Variants in LIPJ observed in about 807,000 individuals in gnomAD.
LIPJ encodes lipase member J.
LIPJ carries 33 observed loss-of-function variants against 39.8 expected under a neutral mutation model. The ratio of observed to expected loss-of-function variants is 0.83; its 90% CI spans 0.63 to 1.11. The LOEUF is 1.11. Ranked by LOEUF, LIPJ falls within the 50% of genes least tolerant of loss-of-function variation. The pLI, the probability that LIPJ is intolerant of heterozygous loss-of-function variation, is 0.00. For synonymous variants in LIPJ, 128 were observed against 139.2 expected, an observed-to-expected ratio of 0.92 and a Z score of 0.57; for missense variants, 422 against 427.9, an observed-to-expected ratio of 0.99 and a Z score of 0.12.
At chr10:88,614,612 G>T in the LIPJ span, among the ~76,000 whole-genome samples, 11 of 152,006 alleles carry the variant, frequency 7.2e-5, no homozygotes, top group Non-Finnish European at 1.2e-4. Context: ...TGGTATTGTT[G>T]ATATCAGTTT....
intron 1 of LIPJ, 94 bp downstream of exon 1, chr10:88,586,939 T>C (rs1252170789): frequency 2.0e-5 from 3 of 152,188 alleles, no homozygotes; most frequent in Admixed American, 6.5e-5. Context: ...AACAATACTT[T>C]TAAGACTGTT....
At chr10:88,607,083 A>C, downstream of LIPJ, 9 of 514,194 alleles carry the variant, frequency 1.8e-5, no homozygotes, top group South Asian at 9.2e-5. Flanking sequence ...TCATCATCTC[A>C]GGGGAAATGG....
At chr10:88,593,823 C>T (rs769999379) in intron 4 of LIPJ, 123 bp from the exon 5 acceptor site, 58 of 771,306 alleles carry the variant, frequency 7.5e-5, no homozygotes, top group Non-Finnish European at 1.2e-4. Flanking sequence ...ACTTACCCCA[C>T]TTATGAAAAC....
chr10:88,597,506 A>G (rs1333661168), intron 8 of LIPJ, among the ~76,000 whole-genome samples: 2 of 151,930 alleles, frequency 1.3e-5, no homozygotes, highest in African/African-American at 4.8e-5. Flanking sequence ...ACATTAAATT[A>G]AACATCCAGA....
chr10:88,583,255 G>C, upstream of LIPJ: 1 of 1,594,090 alleles, frequency 6.3e-7, no homozygotes, highest in Non-Finnish European at 8.5e-7. Flanking sequence ...GGGCTTTCTG[G>C]AAAGGCGGCC....
intron 8 of LIPJ, among the ~76,000 whole-genome samples, chr10:88,598,226 T>G (rs922660346): frequency 6.6e-6 from 1 of 151,968 alleles, no homozygotes; most frequent in African/African-American, 2.4e-5. Context: ...TGGCTTAAAA[T>G]TATTTGCTTA....
At chr10:88,597,242 G>A (rs1014652107) in intron 8 of LIPJ, among the ~76,000 whole-genome samples, 1 of 151,638 alleles carries the variant, frequency 6.6e-6, no homozygotes, top group Non-Finnish European at 1.5e-5. Context: ...CTAAGATTTA[G>A]GTCCTCTTCT....
chr10:88,611,810 A>T (rs984319496), downstream of LIPJ, among the ~76,000 whole-genome samples: 1 of 152,234 alleles, frequency 6.6e-6, no homozygotes, highest in East Asian at 1.9e-4. Context: ...TCCCTGAGGA[A>T]GAAGAGAAAT....
At position 88,591,621 on chromosome 10, in the gene LIPJ, T is replaced by C. The variant is rs1006685680; in HGVS notation, c.130+123T>C. 14 of 790,408 alleles carry C rather than the reference T, an allele frequency of 1.8e-5. No homozygotes were observed. In the Admixed American group the frequency reaches 3.3e-4, roughly 18 times the overall value. The allele number at this position is 790,408 out of a possible 1,614,324, so 49.0% of individuals were successfully genotyped here. On this transcript the variant is annotated intron_variant, in intron 4 of 10. Transcript: ENST00000371939. ...GATTAAGTGAATAGTTAACTTCCCA[T>C]GTATCTTCTCGCATGCTACAAGAAG...
At chr10:88,587,388 G>A (rs970501567) in exon 2 of LIPJ, 2 of 152,120 alleles carry the variant, frequency 1.3e-5, no homozygotes, top group African/African-American at 4.8e-5. Flanking sequence ...AACAAAAGCA[G>A]AGAGGTATGA....
chr10:88,607,300 A>C (rs776414058), downstream of LIPJ, among the ~76,000 whole-genome samples: 15 of 152,212 alleles, frequency 9.9e-5, no homozygotes, highest in Non-Finnish European at 1.8e-4. Context: ...ATGCTAAATG[A>C]AGAGTAAAAA....
upstream of LIPJ, among the ~76,000 whole-genome samples, chr10:88,585,122 A>C (rs142084905): frequency 6.6e-6 from 1 of 152,180 alleles, no homozygotes. Context: ...TGGAAAGTAC[A>C]TTTGCAGTAA....
chr10:88,596,912 A>G (rs752274652), exon 8 of LIPJ: 25 of 1,553,510 alleles, frequency 1.6e-5, no homozygotes, highest in Non-Finnish European at 2.0e-5. Context: ...TGATGTTTGG[A>G]TATGACCCAA....
At chr10:88,617,596 T>C in the LIPJ span, among the ~76,000 whole-genome samples, 33 of 151,764 alleles carry the variant, frequency 2.2e-4, no homozygotes, top group Non-Finnish European at 3.7e-4. Context: ...ATGAGGGAAA[T>C]GATGAAGAAA....
exon 4 of LIPJ, chr10:88,591,447 C>A: frequency 6.3e-7 from 1 of 1,599,620 alleles, no homozygotes; most frequent in South Asian, 1.1e-5. Flanking sequence ...TGGTTATATC[C>A]TTGGCCTTTA....
exon 11 of LIPJ, chr10:88,606,929 T>TA (rs1378623033): frequency 6.9e-7 from 1 of 1,454,122 alleles, no homozygotes; most frequent in East Asian, 2.4e-5. Flanking sequence ...GCTGTGTGTT[T>TA]AAAGATCTAC....
chr10:88,597,715 C>T (rs971757068), intron 8 of LIPJ, among the ~76,000 whole-genome samples: 1 of 151,992 alleles, frequency 6.6e-6, no homozygotes, highest in East Asian at 1.9e-4. Flanking sequence ...TTTTAGAATG[C>T]TATAAGAAAC....
At chr10:88,605,301 C>A (rs1211519515) in intron 9 of LIPJ, among the ~76,000 whole-genome samples, 1 of 152,170 alleles carries the variant, frequency 6.6e-6, no homozygotes, top group Non-Finnish European at 1.5e-5. Context: ...GTGCAAGACA[C>A]TCAGCGTTGA....
chr10:88,614,641 C>T, the LIPJ span, among the ~76,000 whole-genome samples: 1 of 152,048 alleles, frequency 6.6e-6, no homozygotes. Context: ...TTGAACTATA[C>T]AATTAATACA....
Sources: gnomAD v4.1 joint callset for allele counts (sites outside exome capture counted in the v4.1 genomes callset) on GRCh38, gnomAD v4.1.1 for gene constraint, MANE v1.5 for transcripts, NCBI Gene and HGNC (gene_info 2026-07-23, HGNC 2026-07-21) for gene names.